The following NDE1 variants were observed in gnomAD, a reference collection of about 807,000 sequenced individuals.
NDE1 encodes nudE neurodevelopment protein 1.
Under a neutral mutation model 43.4 loss-of-function variants are expected in NDE1, and 28 were observed. The observed-to-expected ratio is 0.65, with a 90% CI of 0.48 to 0.89. The LOEUF (loss-of-function observed/expected upper bound fraction) is 0.89. Among genes scored for constraint, NDE1 ranks in the 40% least tolerant of loss-of-function variants. The pLI, the probability that NDE1 is intolerant of heterozygous loss-of-function variation, is 0.00. For missense variants in NDE1, 441 were observed against 434.1 expected, an observed-to-expected ratio of 1.02 and a Z score of -0.14; for synonymous variants, 184 against 172.0, an observed-to-expected ratio of 1.07 and a Z score of -0.55.
rs1177615503 is a variant in NDE1, at chr16:15,667,627, G to GTTTTTT, written c.237+192_237+193insTTTTTT. On this transcript the variant is annotated intron_variant, in intron 3 of 8. Coordinates refer to ENST00000396354, the MANE Select transcript of NDE1 (RefSeq NM_017668.3). The stretch of plus-strand genomic sequence containing the variant: ...GTGCCTCTAGTGGGTGGTGCTTTTT[G>GTTTTTT]TTTTGTTTTTTTTTTTTTTTTGAGA... Among the ~76,000 whole-genome samples the GTTTTTT allele has an allele frequency of 1.9e-4, 21 of 113,136 alleles. 2 individuals are homozygous for GTTTTTT. The highest frequency in any genetic ancestry group is 3.0e-4 in the Admixed American group (3 of 10,130). 74.2% of individuals were successfully genotyped at this position (113,136 alleles called of 152,430 possible).
At chr16:15,695,433 G>A (rs60666746) in intron 7 of NDE1, 6 of 920,884 alleles carry the variant, frequency 6.5e-6, no homozygotes, top group South Asian at 5.0e-5. Flanking sequence ...GTTTGAATCC[G>A]GGAGGCGGAG....
chr16:15,688,287 T>C (rs2038542401), intron 5 of NDE1, among the ~76,000 whole-genome samples: 1 of 152,142 alleles, frequency 6.6e-6, no homozygotes, highest in Non-Finnish European at 1.5e-5. Context: ...TGAAACCTCA[T>C]CAGCATTTGC....
At chr16:15,714,601 A>C in intron 8 of NDE1, 1 of 511,062 alleles carries the variant, frequency 2.0e-6, no homozygotes, top group East Asian at 3.5e-5. Context: ...CAGTGATGCA[A>C]TGAAGGAGGG....
rs999425013 is a variant in NDE1, at chr16:15,726,085, C to T, written c.*1834C>T. 1 of 182,602 alleles carries T rather than the reference C, an allele frequency of 5.5e-6. No individual in the cohort carries two copies. Among genetic ancestry groups the T allele is most frequent in the African/African-American group, 2.3e-5 (1 of 42,652 alleles). The allele number at this position is 182,602 out of a possible 1,614,324, so 11.3% of individuals were successfully genotyped here. A position where few individuals can be genotyped will look rare whatever the true frequency, so the allele number is the denominator to read the frequency against. ...CTGCCTGGTAGACTTATCCATGCTCCTTAGGGAAGCCTTTCGTGGCTCCTC... is the reference window on the plus strand; with the variant it reads ...CTGCCTGGTAGACTTATCCATGCTCTTTAGGGAAGCCTTTCGTGGCTCCTC... On this transcript the variant is annotated 3_prime_UTR_variant, in exon 9 of 9. Coordinates refer to ENST00000396354, the MANE Select transcript of NDE1 (RefSeq NM_017668.3).
At chr16:15,654,078 A>G (rs952431908) in intron 1 of NDE1, among the ~76,000 whole-genome samples, 2 of 152,036 alleles carry the variant, frequency 1.3e-5, no homozygotes, top group Admixed American at 6.6e-5. Context: ...TGCAAAATAG[A>G]TACTTTTTGT....
intron 4 of NDE1, among the ~76,000 whole-genome samples, chr16:15,683,099 G>A (rs1054881743): frequency 1.3e-5 from 2 of 151,766 alleles, no homozygotes; most frequent in East Asian, 1.9e-4. Flanking sequence ...TTCCCATCTC[G>A]GCTTGCCAAA....
At chr16:15,655,440 C>T (rs914070831) in intron 1 of NDE1, among the ~76,000 whole-genome samples, 3 of 152,182 alleles carry the variant, frequency 2.0e-5, no homozygotes, top group East Asian at 1.9e-4. Flanking sequence ...CCATCGTGCC[C>T]GGCCTCTCTC....
chr16:15,691,039 C>T, intron 5 of NDE1, 105 bp from the exon 6 acceptor site: 1 of 1,395,982 alleles, frequency 7.2e-7, no homozygotes, highest in Non-Finnish European at 1.0e-6. Context: ...AACTCCTGAC[C>T]TCAGGCGATC....
chr16:15,720,361 C>T (rs1308064430), intron 8 of NDE1: 1 of 1,586,920 alleles, frequency 6.3e-7, no homozygotes, highest in Non-Finnish European at 8.6e-7. Context: ...CCTGGGAGGT[C>T]CTTTGGCTCA....
chr16:15,703,448 G>A (rs1177374628), intron 8 of NDE1: 3 of 239,892 alleles, frequency 1.3e-5, no homozygotes, highest in African/African-American at 4.4e-5. Flanking sequence ...ACCGGTTACC[G>A]TGGATATGTT....
chr16:15,650,340 G>T (rs1350180699), intron 1 of NDE1, 46 bp downstream of exon 1: 3 of 229,454 alleles, frequency 1.3e-5, no homozygotes, highest in African/African-American at 4.7e-5. Context: ...GGCTGTCCGG[G>T]GACCTCCACC....
At chr16:15,676,003 ATAAG>A (rs1326022159) in intron 3 of NDE1, among the ~76,000 whole-genome samples, 3 of 152,086 alleles carry the variant, frequency 2.0e-5, no homozygotes, top group Non-Finnish European at 4.4e-5. Flanking sequence ...GTGGCACAGA[ATAAG>A]TATGTAATGG....
intron 4 of NDE1, among the ~76,000 whole-genome samples, chr16:15,683,637 T>A (rs1021991527): frequency 1.3e-5 from 2 of 152,212 alleles, no homozygotes; most frequent in East Asian, 1.9e-4. Context: ...CTAAATATGC[T>A]TTTATACATT....
chr16:15,664,529 C>T (rs557221718), intron 1 of NDE1, among the ~76,000 whole-genome samples: 26 of 151,820 alleles, frequency 1.7e-4, no homozygotes, highest in Non-Finnish European at 3.2e-4. Flanking sequence ...GCTAATTTTT[C>T]GTATTTTAGT....
intron 4 of NDE1, among the ~76,000 whole-genome samples, chr16:15,680,002 C>G (rs1449320591): frequency 6.6e-6 from 1 of 152,156 alleles, no homozygotes; most frequent in Non-Finnish European, 1.5e-5. Flanking sequence ...TGGTCTCATA[C>G]TCCTGACCTG....
At chr16:15,716,934 T>C (rs1245683274) in intron 8 of NDE1, among the ~76,000 whole-genome samples, 1 of 152,222 alleles carries the variant, frequency 6.6e-6, no homozygotes, top group African/African-American at 2.4e-5. Flanking sequence ...CAGCTCACAC[T>C]TTAGGTGCTT....
chr16:15,655,930 G>A (rs1446442848), intron 1 of NDE1, among the ~76,000 whole-genome samples: 1 of 141,804 alleles, frequency 7.1e-6, no homozygotes, highest in Non-Finnish European at 1.5e-5. Context: ...ATTGAACAAC[G>A]AGAACACATG....
chr16:15,698,146 C>G (rs2039095020), intron 8 of NDE1, among the ~76,000 whole-genome samples: 1 of 152,078 alleles, frequency 6.6e-6, no homozygotes, highest in African/African-American at 2.4e-5. Context: ...GAAACTGGCA[C>G]TAACTTCTAG....
At chr16:15,690,295 C>G (rs1200033520) in intron 5 of NDE1, among the ~76,000 whole-genome samples, 1 of 145,484 alleles carries the variant, frequency 6.9e-6, no homozygotes, top group African/African-American at 2.6e-5. Flanking sequence ...ATCTCGACCT[C>G]TCAGAGTGCT....
Sources: gnomAD v4.1 joint callset for allele counts (sites outside exome capture counted in the v4.1 genomes callset) on GRCh38, gnomAD v4.1.1 for gene constraint, MANE v1.5 for transcripts, NCBI Gene and HGNC (gene_info 2026-07-23, HGNC 2026-07-21) for gene names.